The following LPP variants were observed in gnomAD, a reference collection of about 807,000 sequenced individuals.
The protein encoded by LPP is LIM domain containing preferred translocation partner in lipoma.
A neutral mutation model predicts 60.4 loss-of-function variants in LPP; 38 were observed. The observed-to-expected ratio is 0.63, with a 90% CI of 0.49 to 0.83. LPP has a LOEUF of 0.83. Ranked by LOEUF, LPP falls within the 40% of genes least tolerant of loss-of-function variation. The pLI, the probability that LPP is intolerant of heterozygous loss-of-function variation, is 0.00. For missense variants in LPP, 902 were observed against 783.6 expected (o/e 1.15, Z -1.80); for synonymous variants, 328 against 290.8 (o/e 1.13, Z -1.30).
chr3:188,558,632 A>G (rs1830013565), intron 6 of LPP, among the ~76,000 whole-genome samples: 1 of 152,120 alleles, frequency 6.6e-6, no homozygotes, highest in Admixed American at 6.6e-5. Context: ...TGCTGAACAA[A>G]TGAAAACAAA....
intron 2 of LPP, among the ~76,000 whole-genome samples, chr3:188,260,932 G>A (rs1346583732): frequency 6.6e-6 from 1 of 152,016 alleles, no homozygotes; most frequent in African/African-American, 2.4e-5. Context: ...CTACTCAGGA[G>A]GCTGAGTCAG....
intron 7 of LPP, among the ~76,000 whole-genome samples, chr3:188,698,018 C>T (rs76669663): frequency 0.04 from 6,143 of 152,172 alleles, 178 homozygotes; most frequent in South Asian, 0.11. Flanking sequence ...AACTCTGTGC[C>T]GTCTTTTTGA....
intron 9 of LPP, among the ~76,000 whole-genome samples, chr3:188,811,442 G>T (rs1348139846): frequency 2.6e-5 from 4 of 151,594 alleles, no homozygotes; most frequent in African/African-American, 9.7e-5. Flanking sequence ...ATCAATAAAA[G>T]CATATTGGAG....
At chr3:188,697,865 AC>A (rs1363913993) in intron 7 of LPP, among the ~76,000 whole-genome samples, 1 of 146,856 alleles carries the variant, frequency 6.8e-6, no homozygotes, top group African/African-American at 2.8e-5. Flanking sequence ...TATCAGATGT[AC>A]TATTTTCATA....
At chr3:188,645,801 T>TATA (rs1264866397) in intron 7 of LPP, among the ~76,000 whole-genome samples, 7 of 149,796 alleles carry the variant, frequency 4.7e-5, no homozygotes, top group African/African-American at 1.7e-4. Context: ...GATTGACAAA[T>TATA]ATAAGTTCAA....
chr3:188,701,463 A>G (rs183565028), intron 7 of LPP, among the ~76,000 whole-genome samples: 6 of 152,372 alleles, frequency 3.9e-5, no homozygotes, highest in Admixed American at 3.9e-4. Flanking sequence ...ATGACTTTCA[A>G]CGATTAACCT....
intron 4 of LPP, among the ~76,000 whole-genome samples, chr3:188,464,129 A>G (rs1473812327): frequency 6.6e-6 from 1 of 152,210 alleles, no homozygotes; most frequent in Non-Finnish European, 1.5e-5. Context: ...CTAGCTTTTA[A>G]TCTACAGTGT....
chr3:188,505,592 C>T (rs1813221657), intron 5 of LPP, among the ~76,000 whole-genome samples: 1 of 152,204 alleles, frequency 6.6e-6, no homozygotes, highest in African/African-American at 2.4e-5. Context: ...CCTAATTCTA[C>T]TCATCATCTT....
At chr3:188,801,983 G>A (rs1434299457) in intron 9 of LPP, among the ~76,000 whole-genome samples, 1 of 152,146 alleles carries the variant, frequency 6.6e-6, no homozygotes, top group Non-Finnish European at 1.5e-5. Context: ...CCCGTATCAT[G>A]TAGACCAGTG....
intron 6 of LPP, among the ~76,000 whole-genome samples, chr3:188,600,175 T>C (rs1211012135): frequency 6.7e-6 from 1 of 149,036 alleles, no homozygotes; most frequent in Admixed American, 6.7e-5. Context: ...GTTTGCTTGG[T>C]TTTTAAAATA....
rs757666151 is a variant in LPP at position 188,509,687 on chromosome 3, T to TTCCTTCCTTCCTTCCTTCCTTCC, written c.307-14978_307-14977insTCCTTCCTTCCTTCCTTCCTTCC. On this transcript the variant is annotated intron_variant, in intron 5 of 11. Coordinates refer to ENST00000617246, the MANE Select transcript of LPP (RefSeq NM_001375462.1). ...CTTCCTTCCTTCCTTCCTTCCTTCC[T>TTCCTTCCTTCCTTCCTTCCTTCC]CTCTCTCTCTCTTTTCTTTTTTTTT... 9.2e-5 allele frequency among the ~76,000 whole-genome samples: 8 copies of TTCCTTCCTTCCTTCCTTCCTTCC among 87,356 alleles called. 1 individual carries two copies. The highest frequency in any genetic ancestry group is 1.9e-4 in the Non-Finnish European group (8 of 42,686). The allele number at this position is 87,356 out of a possible 152,430, so 57.3% of individuals were successfully genotyped here.
intron 8 of LPP, among the ~76,000 whole-genome samples, chr3:188,757,889 GTTTT>G (rs750488243): frequency 3.8e-5 from 3 of 78,718 alleles, no homozygotes; most frequent in African/African-American, 1.5e-4. Context: ...TGTTTTTTTG[GTTTT>G]TTTTTTTTTT....
intron 9 of LPP, among the ~76,000 whole-genome samples, chr3:188,828,499 TA>T (rs931775238): frequency 6.7e-6 from 1 of 149,424 alleles, no homozygotes; most frequent in African/African-American, 2.5e-5. Flanking sequence ...CCTGTAATCC[TA>T]GCTACTTGGG....
Position 188,875,775 on chromosome 3 carries a change from T to C in LPP, c.*1296T>C, listed in dbSNP as rs1769180186. The C allele has an allele frequency of 1.0e-5, 2 of 198,030 alleles. No homozygotes were observed. The highest frequency in any genetic ancestry group is 1.0e-5 in the Non-Finnish European group (1 of 95,458). The allele number at this position is 198,030 out of a possible 1,614,324, so 12.3% of individuals were successfully genotyped here. On this transcript the variant is annotated 3_prime_UTR_variant, in exon 12 of 12. Coordinates refer to ENST00000617246, the MANE Select transcript of LPP (RefSeq NM_001375462.1). The stretch of plus-strand genomic sequence containing the variant: ...TGCCTAGAATCTTTATTCAAACTTT[T>C]ATTAGCCAGTGAAACACTTGCTTGC...
intron 9 of LPP, among the ~76,000 whole-genome samples, chr3:188,770,344 A>ATTTTTTTTTT (rs61040174): frequency 8.7e-6 from 1 of 115,412 alleles, no homozygotes; most frequent in African/African-American, 3.2e-5. Context: ...ACGCCCAGCT[A>ATTTTTTTTTT]TTTTTTTTTT....
intron 4 of LPP, among the ~76,000 whole-genome samples, chr3:188,482,812 T>C (rs1281094276): frequency 6.6e-6 from 1 of 152,142 alleles, no homozygotes; most frequent in African/African-American, 2.4e-5. Flanking sequence ...TTGTAAGTTA[T>C]TGAACATTTC....
chr3:188,688,833 C>G, intron 7 of LPP: 1 of 524,712 alleles, frequency 1.9e-6, no homozygotes. Context: ...TCTGACTTTC[C>G]CACTAGATTG....
intron 8 of LPP, among the ~76,000 whole-genome samples, chr3:188,713,567 C>T (rs1000270395): frequency 6.6e-6 from 1 of 151,824 alleles, no homozygotes; most frequent in Non-Finnish European, 1.5e-5. Context: ...ATGATTGTGT[C>T]TACAGTTTTA....
chr3:188,573,113 GTAAGTGCTTT>G (rs1320421936), intron 6 of LPP, among the ~76,000 whole-genome samples: 22 of 152,082 alleles, frequency 1.4e-4, no homozygotes, highest in Admixed American at 1.4e-3. Flanking sequence ...AGGCACTGTT[GTAAGTGCTTT>G]AGATGGGTAG....
Sources: allele counts gnomAD v4.1 joint callset (sites outside exome capture counted in the v4.1 genomes callset), GRCh38; gene constraint gnomAD v4.1.1; transcripts MANE v1.5; gene names NCBI Gene and HGNC (gene_info 2026-07-23, HGNC 2026-07-21).